COL4A6: variants seen among roughly 807,000 people sequenced by gnomAD.
The protein encoded by COL4A6 is collagen type IV alpha 6 chain, also known as collagen alpha-6(IV) chain.
A neutral mutation model predicts 126.7 loss-of-function variants in COL4A6; 59 were observed. That is an observed-to-expected ratio of 0.47 (90% CI 0.38 to 0.58). The LOEUF (loss-of-function observed/expected upper bound fraction) is 0.58. COL4A6 is among the 20% of genes least tolerant of loss of function. The probability of loss-of-function intolerance (pLI) is 0.00; values close to 1 mark genes in which losing one functional copy is unlikely to be tolerated. For missense variants in COL4A6, 1,285 were observed against 1,337.3 expected, an observed-to-expected ratio of 0.96 and a Z score of 0.61; for synonymous variants, 547 against 496.6, an observed-to-expected ratio of 1.10 and a Z score of -1.35.
At chrX:108,217,169 G>A (rs1018917409) in intron 5 of COL4A6, among the ~76,000 whole-genome samples, 3 of 112,154 alleles carry the variant, frequency 2.7e-5, no homozygotes, top group African/African-American at 6.5e-5. Flanking sequence ...ACCCACTCAT[G>A]TTGAGATTGT....
intron 3 of COL4A6, among the ~76,000 whole-genome samples, chrX:108,248,618 CT>C (rs2036774107): frequency 9.0e-6 from 1 of 110,959 alleles, no homozygotes. Context: ...GCAGATGGTT[CT>C]TAGATATATA....
chrX:108,237,737 A>G (rs1247770825), intron 3 of COL4A6, among the ~76,000 whole-genome samples: 1 of 111,156 alleles, frequency 9.0e-6, no homozygotes, highest in Non-Finnish European at 1.9e-5. Context: ...CTTTTCCTTC[A>G]TCCACATCCC....
At chrX:108,186,984 T>C in intron 23 of COL4A6, 112 bp downstream of exon 23, 1 of 617,963 alleles carries the variant, frequency 1.6e-6, no homozygotes, top group Non-Finnish European at 2.3e-6. Context: ...TTGAAAGTAG[T>C]GATTATGGTC....
intron 3 of COL4A6, among the ~76,000 whole-genome samples, chrX:108,281,694 C>T (rs1378603602): frequency 9.0e-6 from 1 of 110,753 alleles, no homozygotes; most frequent in Non-Finnish European, 1.9e-5. Context: ...CCAAGTCAAT[C>T]CTAGGCCAAA....
chrX:108,364,412 T>C, intron 2 of COL4A6, among the ~76,000 whole-genome samples: 1 of 111,105 alleles, frequency 9.0e-6, no homozygotes, highest in Non-Finnish European at 1.9e-5. Flanking sequence ...ATGTGACTTT[T>C]GGCTTAATTT....
At chrX:108,321,716 T>C (rs887537114) in intron 2 of COL4A6, among the ~76,000 whole-genome samples, 1 of 110,798 alleles carries the variant, frequency 9.0e-6, no homozygotes, top group Non-Finnish European at 1.9e-5. Flanking sequence ...GGTATATATA[T>C]ATATAATCTT....
chrX:108,287,364 G>T (rs2038035765), intron 3 of COL4A6, among the ~76,000 whole-genome samples: 1 of 110,697 alleles, frequency 9.0e-6, no homozygotes, highest in African/African-American at 3.3e-5. Context: ...TTATCTGGTT[G>T]GGTGCTGGAT....
chrX:108,207,844 G>C (rs1359175745), intron 8 of COL4A6, among the ~76,000 whole-genome samples: 1 of 110,882 alleles, frequency 9.0e-6, no homozygotes, highest in Admixed American at 9.6e-5. Context: ...GTGCATTCAT[G>C]GATTTGGGTA....
intron 3 of COL4A6, among the ~76,000 whole-genome samples, chrX:108,223,365 A>G (rs1392231307): frequency 8.9e-6 from 1 of 111,759 alleles, no homozygotes; most frequent in African/African-American, 3.3e-5. Context: ...TGTATCCTAG[A>G]ACTTGAAGTA....
chrX:108,414,791 C>A (rs755781195), intron 2 of COL4A6, among the ~76,000 whole-genome samples: 1 of 110,410 alleles, frequency 9.1e-6, no homozygotes, highest in African/African-American at 3.3e-5. Context: ...GATCCTGTCT[C>A]AAAAACAAAA....
Position 108,157,111 on chromosome X carries a change from G to A in COL4A6, c.4962C>T (p.Thr1654=). ...YFANKYSFWL[T]TVEERQQFGE... Reference sequence around the variant, plus strand: ...CAAACTGCTGCCTCTCCTCCACTGTGGTCAACCAGAAACTGTACTTGTTTG... The same window carrying A: ...CAAACTGCTGCCTCTCCTCCACTGTAGTCAACCAGAAACTGTACTTGTTTG... The change falls in exon 45 of 45, where the codon ACC becomes ACT. Residue 1654 remains threonine, a synonymous_variant. Transcript: ENST00000334504. 1 of 1,211,840 alleles carries A rather than the reference G, an allele frequency of 8.3e-7. No homozygotes were observed. The highest frequency in any genetic ancestry group is 1.7e-5 in the African/African-American group (1 of 57,850).
intron 2 of COL4A6, among the ~76,000 whole-genome samples, chrX:108,386,730 T>C (rs965986584): frequency 1.3e-4 from 15 of 111,892 alleles, no homozygotes; most frequent in Non-Finnish European, 1.7e-4. Flanking sequence ...TTAGATCCCA[T>C]TTGTCTATTT....
chrX:108,176,312 C>CAA (rs55686119), intron 28 of COL4A6, among the ~76,000 whole-genome samples: 10,309 of 78,249 alleles, frequency 0.13, 974 homozygotes, highest in African/African-American at 0.33. Context: ...AAAACTCTGT[C>CAA]AAAAAAAAAA....
At chrX:108,186,981 T>C (rs2034883745) in intron 23 of COL4A6, 115 bp downstream of exon 23, 2 of 595,219 alleles carry the variant, frequency 3.4e-6, no homozygotes, top group East Asian at 7.6e-5. Context: ...GGGTTGAAAG[T>C]AGTGATTATG....
intron 23 of COL4A6, among the ~76,000 whole-genome samples, chrX:108,181,667 T>C (rs1274073922): frequency 8.9e-6 from 1 of 112,032 alleles, no homozygotes; most frequent in Non-Finnish European, 1.9e-5. Context: ...GCAATTTTAA[T>C]ATTCAAGATG....
At chrX:108,166,287 A>G (rs1465085318) in intron 37 of COL4A6, among the ~76,000 whole-genome samples, 3 of 112,828 alleles carry the variant, frequency 2.7e-5, no homozygotes, top group Non-Finnish European at 5.6e-5. Context: ...ATGTTCACAT[A>G]TCAAATACAT....
intron 2 of COL4A6, among the ~76,000 whole-genome samples, chrX:108,404,626 G>C (rs2041166109): frequency 8.9e-6 from 1 of 111,783 alleles, no homozygotes; most frequent in Non-Finnish European, 1.9e-5. Context: ...GCTTCTAACT[G>C]TTCATCTCAT....
chrX:108,341,331 G>C (rs2039559384), intron 2 of COL4A6, among the ~76,000 whole-genome samples: 2 of 110,982 alleles, frequency 1.8e-5, no homozygotes, highest in African/African-American at 6.5e-5. Context: ...GTTTGGCTGT[G>C]TCCCCATCCA....
chrX:108,335,209 AGTCATG>A (rs747007785), intron 2 of COL4A6, among the ~76,000 whole-genome samples: 1 of 112,409 alleles, frequency 8.9e-6, no homozygotes, highest in African/African-American at 3.2e-5. Context: ...GGAAGGTCAA[AGTCATG>A]GGTATCTTTG....
Sources: allele counts gnomAD v4.1 joint callset (sites outside exome capture counted in the v4.1 genomes callset), GRCh38; gene constraint gnomAD v4.1.1; transcripts MANE v1.5; gene names NCBI Gene and HGNC (gene_info 2026-07-23, HGNC 2026-07-21).